ANO10: variants seen among roughly 807,000 people sequenced by gnomAD.
The protein encoded by ANO10 is anoctamin 10, also known as anoctamin-10.
ANO10 carries 77 observed loss-of-function variants against 74.7 expected under a neutral mutation model. The ratio of observed to expected loss-of-function variants is 1.03; its 90% CI spans 0.86 to 1.25. The LOEUF is 1.25. ANO10 is among the 50% of genes most tolerant of loss of function. ANO10 has a pLI of 0.00. For synonymous variants in ANO10, 279 were observed against 284.9 expected, an observed-to-expected ratio of 0.98 and a Z score of 0.21; for missense variants, 721 against 778.1, an observed-to-expected ratio of 0.93 and a Z score of 0.87.
At chr3:43,407,092 T>TA (rs752500985) in intron 12 of ANO10, among the ~76,000 whole-genome samples, 5 of 152,114 alleles carry the variant, frequency 3.3e-5, no homozygotes, top group Admixed American at 3.3e-4. Flanking sequence ...TTAGTAGAGA[T>TA]AGAGTTTCAC....
intron 11 of ANO10, among the ~76,000 whole-genome samples, chr3:43,479,037 T>C (rs559214649): frequency 6.6e-6 from 1 of 152,340 alleles, no homozygotes; most frequent in South Asian, 2.1e-4. Context: ...TAATCAAGGT[T>C]CCCTGATCCT....
At chr3:43,567,627 A>C (rs1432302945) in intron 7 of ANO10, among the ~76,000 whole-genome samples, 6 of 152,164 alleles carry the variant, frequency 3.9e-5, no homozygotes. Flanking sequence ...ATAGACAAGC[A>C]AATGCTGAGA....
At chr3:43,639,862 T>G (rs2083654347) in intron 1 of ANO10, among the ~76,000 whole-genome samples, 1 of 152,206 alleles carries the variant, frequency 6.6e-6, no homozygotes, top group Non-Finnish European at 1.5e-5. Flanking sequence ...TAGTATACTT[T>G]CAGATATGAG....
At chr3:43,488,191 C>T (rs1247527366) in intron 11 of ANO10, among the ~76,000 whole-genome samples, 4 of 151,280 alleles carry the variant, frequency 2.6e-5, no homozygotes, top group East Asian at 1.9e-4. Context: ...AAGACTCAAA[C>T]GTTAGACCTA....
intron 11 of ANO10, among the ~76,000 whole-genome samples, chr3:43,455,494 T>G (rs2075084116): frequency 6.7e-6 from 1 of 149,654 alleles, no homozygotes; most frequent in Non-Finnish European, 1.5e-5. Flanking sequence ...AGGGGGTGAG[T>G]CAGGCCCTTA....
intron 12 of ANO10, among the ~76,000 whole-genome samples, chr3:43,386,648 CGTGTGTGTGTGTGT>C (rs36065814): frequency 1.0e-4 from 14 of 139,994 alleles, no homozygotes; most frequent in South Asian, 2.3e-4. Flanking sequence ...TAGGTGTGTA[CGTGTGTGTGTGTGT>C]GTGTGTGTGT....
intron 12 of ANO10, among the ~76,000 whole-genome samples, chr3:43,406,636 C>G (rs1336762173): frequency 6.6e-6 from 1 of 152,182 alleles, no homozygotes; most frequent in African/African-American, 2.4e-5. Context: ...GCAGAACTCA[C>G]CATAAAGCAA....
At chr3:43,607,454 A>G (rs537170896) in intron 1 of ANO10, among the ~76,000 whole-genome samples, 220 of 152,292 alleles carry the variant, frequency 1.4e-3, no homozygotes, top group African/African-American at 5.1e-3. Context: ...AGGGTGAGAC[A>G]CTAAGCAGGG....
At chr3:43,415,691 A>C (rs965331590) in intron 12 of ANO10, among the ~76,000 whole-genome samples, 1 of 152,008 alleles carries the variant, frequency 6.6e-6, no homozygotes, top group Admixed American at 6.6e-5. Flanking sequence ...ACAGGTGCAC[A>C]GCACCACGTC....
At chr3:43,536,114 G>T (rs112726868) in intron 11 of ANO10, among the ~76,000 whole-genome samples, 3 of 152,296 alleles carry the variant, frequency 2.0e-5, no homozygotes, top group African/African-American at 7.2e-5. Context: ...ATACTTTGTA[G>T]ATTATTTAAA....
chr3:43,561,517 A>T, intron 8 of ANO10, 115 bp from the exon 9 acceptor site: 2 of 962,540 alleles, frequency 2.1e-6, no homozygotes, highest in Non-Finnish European at 3.1e-6. Flanking sequence ...ACAATTATGC[A>T]ACAAATAAAA....
chr3:43,506,314 T>C (rs191648090), intron 11 of ANO10, among the ~76,000 whole-genome samples: 2 of 152,298 alleles, frequency 1.3e-5, no homozygotes, highest in Non-Finnish European at 2.9e-5. Context: ...TGAAAATCTA[T>C]GCACAACCCA....
At chr3:43,553,054 A>G (rs997341970) in intron 10 of ANO10, among the ~76,000 whole-genome samples, 1 of 152,134 alleles carries the variant, frequency 6.6e-6, no homozygotes, top group African/African-American at 2.4e-5. Context: ...TCAGCCTCCC[A>G]AAGTGCTGGG....
intron 8 of ANO10, among the ~76,000 whole-genome samples, chr3:43,562,185 G>C (rs561187304): frequency 2.5e-4 from 38 of 152,100 alleles, no homozygotes; most frequent in African/African-American, 8.9e-4. Context: ...GGGCACAGTG[G>C]CTCACACCTG....
intron 11 of ANO10, among the ~76,000 whole-genome samples, chr3:43,448,873 CTTTTTT>C (rs35711363): frequency 7.4e-6 from 1 of 134,282 alleles, no homozygotes; most frequent in South Asian, 2.3e-4. Flanking sequence ...TTCTTTCTTT[CTTTTTT>C]TTTTTTTTTG....
intron 5 of ANO10, among the ~76,000 whole-genome samples, chr3:43,580,007 T>A (rs188697743): frequency 2.0e-5 from 3 of 151,744 alleles, no homozygotes; most frequent in African/African-American, 4.9e-5. Context: ...TAGCTGGGGA[T>A]GGTGGTGCAC....
chr3:43,648,878 C>T (rs1191803161), intron 1 of ANO10, among the ~76,000 whole-genome samples: 1 of 152,048 alleles, frequency 6.6e-6, no homozygotes, highest in Non-Finnish European at 1.5e-5. Context: ...GGGGTTTCAT[C>T]GTGTTAGCCA....
intron 11 of ANO10, among the ~76,000 whole-genome samples, chr3:43,489,255 G>T (rs1022128439): frequency 1.3e-5 from 2 of 151,284 alleles, no homozygotes; most frequent in African/African-American, 4.9e-5. Flanking sequence ...CACCAGCATG[G>T]CACATGTATA....
chr3:43,421,877 A>C (rs934644046), intron 12 of ANO10, among the ~76,000 whole-genome samples: 6 of 152,128 alleles, frequency 3.9e-5, no homozygotes, highest in African/African-American at 7.2e-5. Flanking sequence ...AATACGTGTA[A>C]CATAAAATCT....
Sources: gnomAD v4.1 joint callset for allele counts (sites outside exome capture counted in the v4.1 genomes callset) on GRCh38, gnomAD v4.1.1 for gene constraint, MANE v1.5 for transcripts, NCBI Gene and HGNC (gene_info 2026-07-23, HGNC 2026-07-21) for gene names.